CDH10: variants seen among roughly 807,000 people sequenced by gnomAD.
CDH10 encodes the protein cadherin-10.
In CDH10, 30 loss-of-function variants were observed where a neutral mutation model predicts 73.1. The ratio of observed to expected loss-of-function variants is 0.41; its 90% CI spans 0.31 to 0.56. The LOEUF is 0.56. Among genes scored for constraint, CDH10 ranks in the 20% least tolerant of loss-of-function variants. The probability of loss-of-function intolerance (pLI) is 0.27; values close to 1 mark genes in which losing one functional copy is unlikely to be tolerated. For missense variants in CDH10, 815 were observed against 973.7 expected (o/e 0.84, Z 2.17); for synonymous variants, 345 against 348.2 (o/e 0.99, Z 0.10).
intron 5 of CDH10, among the ~76,000 whole-genome samples, chr5:24,527,254 CAT>C (rs923888491): frequency 3.1e-4 from 45 of 147,300 alleles, no homozygotes; most frequent in African/African-American, 6.6e-4. Context: ...TAATTAAATA[CAT>C]ATAGTCTTAC....
At chr5:24,593,164 G>T in intron 2 of CDH10, 96 bp downstream of exon 2, 1 of 702,754 alleles carries the variant, frequency 1.4e-6, no homozygotes. Context: ...TAAAGAATCA[G>T]ATTTATAAAA....
At chr5:24,518,958 T>G (rs950042925) in intron 5 of CDH10, among the ~76,000 whole-genome samples, 1 of 149,036 alleles carries the variant, frequency 6.7e-6, no homozygotes, top group Non-Finnish European at 1.5e-5. Context: ...TGGTGCGATC[T>G]TGGCTCACTG....
chr5:24,549,134 T>A (rs550525847), intron 2 of CDH10, among the ~76,000 whole-genome samples: 11 of 152,070 alleles, frequency 7.2e-5, no homozygotes, highest in Non-Finnish European at 1.6e-4. Context: ...GTCGTATATA[T>A]AGAATATACA....
At chr5:24,527,813 C>A (rs1369937208) in intron 5 of CDH10, among the ~76,000 whole-genome samples, 1 of 151,612 alleles carries the variant, frequency 6.6e-6, no homozygotes, top group African/African-American at 2.4e-5. Context: ...GTGAGAGAGA[C>A]AATCAGTAAA....
At chr5:24,609,966 G>A (rs767989650) in intron 1 of CDH10, 1 of 152,250 alleles carries the variant, frequency 6.6e-6, no homozygotes, top group Non-Finnish European at 1.5e-5. Context: ...CCATTACAAC[G>A]TGCAAGCCAA....
At chr5:24,628,833 G>A (rs540735110) in intron 1 of CDH10, among the ~76,000 whole-genome samples, 13 of 91,370 alleles carry the variant, frequency 1.4e-4, no homozygotes, top group Admixed American at 5.0e-4. Flanking sequence ...CCCCCACCCC[G>A]CTCCCCACCT....
chr5:24,628,244 A>C (rs1747576417), intron 1 of CDH10, among the ~76,000 whole-genome samples: 1 of 152,210 alleles, frequency 6.6e-6, no homozygotes, highest in Non-Finnish European at 1.5e-5. Flanking sequence ...AAACACCAGA[A>C]CACCAACAGC....
chr5:24,548,902 T>C (rs989203895), intron 2 of CDH10, among the ~76,000 whole-genome samples: 2 of 152,114 alleles, frequency 1.3e-5, no homozygotes, highest in Non-Finnish European at 2.9e-5. Context: ...ATAACAGATT[T>C]AGCAAACAAG....
intron 2 of CDH10, among the ~76,000 whole-genome samples, chr5:24,546,717 A>G (rs1744356380): frequency 6.6e-6 from 1 of 152,146 alleles, no homozygotes; most frequent in Non-Finnish European, 1.5e-5. Flanking sequence ...TTGAACTATT[A>G]TTTTTGTAAT....
intron 2 of CDH10, chr5:24,578,333 T>C (rs1011767321): frequency 2.8e-5 from 6 of 217,226 alleles, no homozygotes; most frequent in Admixed American, 1.0e-4. Flanking sequence ...AAGTCCTGTC[T>C]TCAGCAGTTG....
At chr5:24,562,967 G>T (rs1745014674) in intron 2 of CDH10, among the ~76,000 whole-genome samples, 3 of 152,102 alleles carry the variant, frequency 2.0e-5, no homozygotes, top group Non-Finnish European at 4.4e-5. Flanking sequence ...CTTACAAAAG[G>T]ACATTCTTAC....
At chr5:24,555,471 T>C (rs971424243) in intron 2 of CDH10, among the ~76,000 whole-genome samples, 1 of 152,148 alleles carries the variant, frequency 6.6e-6, no homozygotes, top group Non-Finnish European at 1.5e-5. Flanking sequence ...AGACATTAAT[T>C]ACTCTGTCGG....
intron 1 of CDH10, among the ~76,000 whole-genome samples, chr5:24,607,287 C>A (rs777191399): frequency 6.6e-6 from 1 of 152,080 alleles, no homozygotes; most frequent in Non-Finnish European, 1.5e-5. Flanking sequence ...TTACATTTTC[C>A]CTTGGAGACA....
chr5:24,572,829 C>T (rs1245908587), intron 2 of CDH10, among the ~76,000 whole-genome samples: 1 of 148,954 alleles, frequency 6.7e-6, no homozygotes, highest in African/African-American at 2.5e-5. Flanking sequence ...ATTCCTCATT[C>T]TTGCCTGTGC....
intron 2 of CDH10, among the ~76,000 whole-genome samples, chr5:24,569,276 T>C (rs1361715467): frequency 6.6e-6 from 1 of 152,152 alleles, no homozygotes; most frequent in East Asian, 1.9e-4. Flanking sequence ...ATCGTTTAAT[T>C]TGTATCATTT....
chr5:24,641,934 A>G (rs1286397348), intron 1 of CDH10, among the ~76,000 whole-genome samples: 1 of 152,158 alleles, frequency 6.6e-6, no homozygotes, highest in Non-Finnish European at 1.5e-5. Context: ...TATAATTGGC[A>G]TAAATAATTT....
At chr5:24,555,686 G>T (rs1744745182) in intron 2 of CDH10, among the ~76,000 whole-genome samples, 1 of 152,080 alleles carries the variant, frequency 6.6e-6, no homozygotes, top group South Asian at 2.1e-4. Flanking sequence ...ATGAGAGAGA[G>T]AGATTATCAT....
intron 2 of CDH10, among the ~76,000 whole-genome samples, chr5:24,565,824 G>A (rs1400832964): frequency 6.6e-6 from 1 of 151,934 alleles, no homozygotes; most frequent in Non-Finnish European, 1.5e-5. Context: ...GACATAGCAA[G>A]AAGGCAACCA....
At chr5:24,592,193 T>C (rs1368636131) in intron 2 of CDH10, among the ~76,000 whole-genome samples, 1 of 151,836 alleles carries the variant, frequency 6.6e-6, no homozygotes, top group African/African-American at 2.4e-5. Flanking sequence ...ACAAAACATA[T>C]CAGTGTTTTA....
Sources: gnomAD v4.1 joint callset for allele counts (sites outside exome capture counted in the v4.1 genomes callset) on GRCh38, gnomAD v4.1.1 for gene constraint, MANE v1.5 for transcripts, NCBI Gene and HGNC (gene_info 2026-07-23, HGNC 2026-07-21) for gene names.